The following GMEB2 variants were observed in gnomAD, a reference collection of about 807,000 sequenced individuals.
The protein encoded by GMEB2 is glucocorticoid modulatory element binding protein 2.
Under a neutral mutation model 45.7 loss-of-function variants are expected in GMEB2, and 7 were observed. The ratio of observed to expected loss-of-function variants is 0.15; its 90% CI spans 0.09 to 0.29. The LOEUF (loss-of-function observed/expected upper bound fraction) is 0.29. Ranked by LOEUF, GMEB2 falls within the 10% of genes least tolerant of loss-of-function variation. GMEB2 has a pLI of 1.00. For synonymous variants in GMEB2, 322 were observed against 323.6 expected (o/e 1.00, Z 0.05); for missense variants, 582 against 739.2 (o/e 0.79, Z 2.47).
At chr20:63,610,303 C>T (rs1395313832) in intron 2 of GMEB2, among the ~76,000 whole-genome samples, 1 of 152,180 alleles carries the variant, frequency 6.6e-6, no homozygotes, top group Non-Finnish European at 1.5e-5. Flanking sequence ...AGGCGGATCA[C>T]AAGGTCAGGA....
intron 1 of GMEB2, among the ~76,000 whole-genome samples, chr20:63,625,690 T>C (rs1251367887): frequency 6.6e-6 from 1 of 151,752 alleles, no homozygotes; most frequent in African/African-American, 2.4e-5. Flanking sequence ...CTCTGCCTTC[T>C]GGGTTCAAGC....
At chr20:63,624,564 A>G (rs576776922) in intron 1 of GMEB2, among the ~76,000 whole-genome samples, 12 of 152,210 alleles carry the variant, frequency 7.9e-5, no homozygotes, top group Non-Finnish European at 1.3e-4. Context: ...GGGGCAACTA[A>G]AGTCATTTAA....
At chr20:63,618,090 C>T (rs1462904946) in intron 2 of GMEB2, among the ~76,000 whole-genome samples, 2 of 152,240 alleles carry the variant, frequency 1.3e-5, no homozygotes, top group Non-Finnish European at 2.9e-5. Flanking sequence ...GGCACTGCCT[C>T]TCTGGGCAAG....
At chr20:63,625,648 A>G in intron 1 of GMEB2, among the ~76,000 whole-genome samples, 1 of 151,628 alleles carries the variant, frequency 6.6e-6, no homozygotes, top group East Asian at 1.9e-4. Context: ...CCCAGGCTGG[A>G]GTGCAATGGC....
chr20:63,601,923 C>T (rs984701703), intron 4 of GMEB2, among the ~76,000 whole-genome samples: 2 of 151,160 alleles, frequency 1.3e-5, no homozygotes, highest in Non-Finnish European at 2.9e-5. Flanking sequence ...GGGCCTGTGG[C>T]TTCTGTGCTG....
At position 63,625,907 on chromosome 20, in the gene GMEB2, T is replaced by C. The variant is rs561901437; in HGVS notation, c.-58+1049A>G. On this transcript the variant is annotated intron_variant, in intron 1 of 9. Transcript: ENST00000370077. ...CATCACACCTGGCCCAAGAAAATAT[T>C]TTTAAACTAGTATTCTTGACCGGCA... 5.3e-5 allele frequency among the ~76,000 whole-genome samples: 8 copies of C among 152,264 alleles called. No individual in the cohort carries two copies. In the East Asian group the frequency reaches 1.5e-3, roughly 29 times the overall value.
intron 1 of GMEB2, among the ~76,000 whole-genome samples, chr20:63,624,372 C>G (rs1171198230): frequency 6.6e-6 from 1 of 150,458 alleles, no homozygotes; most frequent in Non-Finnish European, 1.5e-5. Flanking sequence ...GAGGTTGCAG[C>G]GAGCCAAGAT....
chr20:63,615,513 G>C (rs563028419), intron 2 of GMEB2, among the ~76,000 whole-genome samples: 41 of 152,042 alleles, frequency 2.7e-4, no homozygotes, highest in African/African-American at 9.9e-4. Flanking sequence ...TTTTTGTAGA[G>C]ACGAGGTTTC....
Position 63,592,005 on chromosome 20 carries a change from G to C in GMEB2, c.952+17C>G. 6.2e-7 allele frequency: 1 copy of C among 1,603,778 alleles called. No homozygotes were observed. Among genetic ancestry groups the C allele is most frequent in the South Asian group, 1.1e-5 (1 of 90,616 alleles). ...GCCTACCGCCCAGGGGACGGGACGG[G>C]GGTGGTCTCAGCATACCTGCCAGGT... On this transcript the variant is annotated intron_variant, in intron 9 of 9. Coordinates refer to ENST00000370077, the MANE Select transcript of GMEB2 (RefSeq NM_012384.5). This position sits in a 1 kb window ranked among gnomAD's most constrained non-coding sequence, Gnocchi z 8.2.
At chr20:63,612,966 CTTTT>C (rs979739696) in intron 2 of GMEB2, among the ~76,000 whole-genome samples, 1 of 147,282 alleles carries the variant, frequency 6.8e-6, no homozygotes. Flanking sequence ...CTTTCTTTTT[CTTTT>C]TTTTTTTCGG....
At chr20:63,610,424 G>A (rs918902029) in intron 2 of GMEB2, among the ~76,000 whole-genome samples, 1 of 152,206 alleles carries the variant, frequency 6.6e-6, no homozygotes, top group Non-Finnish European at 1.5e-5. Context: ...AGGAGGCTGA[G>A]GCAAGAGAAT....
Position 63,590,034 on chromosome 20 carries a change from C to G in GMEB2, c.*55G>C, listed in dbSNP as rs891633344. ...GCGGCCTCTGCCCGCTCCCTGCTGC[C>G]GCGGCTGAGAGACAGCCAGCCCTGT... On this transcript the variant is annotated 3_prime_UTR_variant, in exon 10 of 10. Coordinates refer to ENST00000370077, the MANE Select transcript of GMEB2 (RefSeq NM_012384.5). 9.8e-5 allele frequency: 142 copies of G among 1,450,522 alleles called. 10 individuals are homozygous for G. Among genetic ancestry groups the G allele is most frequent in the Non-Finnish European group, 4.6e-6 (5 of 1,097,236 alleles). 89.9% of individuals were successfully genotyped at this position (1,450,522 alleles called of 1,614,324 possible).
chr20:63,601,920 TG>T (rs2083244906), intron 4 of GMEB2, among the ~76,000 whole-genome samples: 1 of 151,330 alleles, frequency 6.6e-6, no homozygotes, highest in African/African-American at 2.4e-5. Context: ...GTGGGGCCTG[TG>T]GCTTCTGTGC....
rs185390209 is a variant in GMEB2 at position 63,602,171 on chromosome 20, T to C, written c.357+794A>G. Among the ~76,000 whole-genome samples the C allele has an allele frequency of 2.0e-5, 3 of 152,360 alleles. No homozygotes were observed. In the East Asian group the frequency reaches 5.8e-4, roughly 29 times the overall value. On this transcript the variant is annotated intron_variant, in intron 4 of 9. Transcript: ENST00000370077. ...GTACTTTTTGTTTGTTTCTGTCAGA[T>C]TCCTGGGGGAACTGCCAGCTGGGAG...
intron 5 of GMEB2, among the ~76,000 whole-genome samples, 168 bp from the exon 6 acceptor site, chr20:63,595,935 G>A (rs538043932): frequency 1.4e-4 from 21 of 152,336 alleles, no homozygotes; most frequent in African/African-American, 3.1e-4. Context: ...CGAGCTCGGC[G>A]TGCAGGACCC....
intron 2 of GMEB2, among the ~76,000 whole-genome samples, chr20:63,614,545 A>G (rs2146086640): frequency 6.6e-6 from 1 of 152,316 alleles, no homozygotes; most frequent in East Asian, 1.9e-4. Flanking sequence ...GGGGGAGTTT[A>G]GAGAAGACTC....
intron 5 of GMEB2, among the ~76,000 whole-genome samples, 156 bp from the exon 6 acceptor site, chr20:63,595,923 C>T (rs57156419): frequency 0.12 from 17,540 of 152,272 alleles, 1,961 homozygotes; most frequent in East Asian, 0.3. Context: ...TCCCTCTTAG[C>T]GCGAGCTCGG....
Position 63,590,605 on chromosome 20 carries a change from G to A in GMEB2, c.1077C>T (p.Pro359=), listed in dbSNP as rs1296192087. 1.3e-6 allele frequency: 2 copies of A among 1,592,590 alleles called. No individual in the cohort carries two copies. Among genetic ancestry groups the A allele is most frequent in the East Asian group, 2.3e-5 (1 of 44,146 alleles). The change falls in exon 10 of 10, where the codon CCC becomes CCT. Residue 359 remains proline (P), a synonymous_variant. Transcript: ENST00000370077. Reference sequence around the variant, plus strand: ...GTCCTGATGTGGCACGTGCAAGCCGGGGCCGCTTCACAGGCGGTGGCAGGG... The same window carrying A: ...GTCCTGATGTGGCACGTGCAAGCCGAGGCCGCTTCACAGGCGGTGGCAGGG... ...PVSLPPPVKR[P]RLARATSGPA... is the part of the protein sequence containing the mutation.
chr20:63,621,831 GA>G (rs1324881763), intron 1 of GMEB2, among the ~76,000 whole-genome samples: 1 of 151,138 alleles, frequency 6.6e-6, no homozygotes, highest in Non-Finnish European at 1.5e-5. Context: ...TTTAAACAAA[GA>G]AAAATTTTCA....
Sources: gnomAD v4.1 joint callset for allele counts (sites outside exome capture counted in the v4.1 genomes callset) on GRCh38, gnomAD v4.1.1 for gene constraint, Gnocchi (gnomAD v3.1) non-coding constraint, MANE v1.5 for transcripts, NCBI Gene and HGNC (gene_info 2026-07-23, HGNC 2026-07-21) for gene names.